Variants in TTLL11 observed in about 807,000 individuals in gnomAD.
TTLL11 encodes tubulin polyglutamylase TTLL11.
In TTLL11, 42 loss-of-function variants were observed where a neutral mutation model predicts 51.7. The ratio of observed to expected loss-of-function variants is 0.81; its 90% CI spans 0.64 to 1.05. TTLL11 has a LOEUF of 1.05. Ranked by LOEUF, TTLL11 falls within the 50% of genes least tolerant of loss-of-function variation. The pLI, the probability that TTLL11 is intolerant of heterozygous loss-of-function variation, is 0.00. For missense variants in TTLL11, 799 were observed against 940.4 expected, an observed-to-expected ratio of 0.85 and a Z score of 1.97; for synonymous variants, 381 against 383.5, an observed-to-expected ratio of 0.99 and a Z score of 0.08.
At chr9:121,998,025 G>A (rs1843332815) in intron 3 of TTLL11, among the ~76,000 whole-genome samples, 1 of 152,204 alleles carries the variant, frequency 6.6e-6, no homozygotes, top group South Asian at 2.1e-4. Context: ...AGCTGAGCCT[G>A]CCTGGAACAT....
Position 122,075,291 on chromosome 9 carries a change from T to C in TTLL11, c.462+17396A>G, listed in dbSNP as rs1845834256. On this transcript the variant is annotated intron_variant, in intron 1 of 8. Coordinates refer to ENST00000321582, the MANE Select transcript of TTLL11 (RefSeq NM_001139442.2). Reference sequence around the variant, plus strand: ...TAGGGATCACAGGGATGGTGTCTGATAGTGATCACCCGTGCCTTGCACAGG... The same window carrying C: ...TAGGGATCACAGGGATGGTGTCTGACAGTGATCACCCGTGCCTTGCACAGG... 3.3e-5 allele frequency among the ~76,000 whole-genome samples: 5 copies of C among 152,348 alleles called. No homozygotes were observed. The South Asian group carries it at 1.0e-3, about 32-fold the overall frequency.
At chr9:122,019,964 C>T (rs1332154184) in intron 3 of TTLL11, among the ~76,000 whole-genome samples, 1 of 152,194 alleles carries the variant, frequency 6.6e-6, no homozygotes, top group Non-Finnish European at 1.5e-5. Flanking sequence ...TAAGATGTGC[C>T]TTTCGCCTTC....
At chr9:122,045,418 T>C (rs1442225745) in intron 1 of TTLL11, among the ~76,000 whole-genome samples, 2 of 152,030 alleles carry the variant, frequency 1.3e-5, no homozygotes, top group African/African-American at 2.4e-5. Flanking sequence ...CCGGGCGTCG[T>C]GGCGCGCCTG....
At chr9:121,973,140 A>G (rs1842616468) in intron 6 of TTLL11, among the ~76,000 whole-genome samples, 1 of 152,218 alleles carries the variant, frequency 6.6e-6, no homozygotes, top group Non-Finnish European at 1.5e-5. Context: ...CAAGTGAAAT[A>G]TTCATTTCTG....
rs148261535 is a variant in TTLL11 at position 122,016,332 on chromosome 9, G to A, written c.693+15391C>T. On this transcript the variant is annotated intron_variant, in intron 3 of 8. Coordinates refer to ENST00000321582, the MANE Select transcript of TTLL11 (RefSeq NM_001139442.2). ...AGAAATGGGGACAAGCGTAGCTGCC[G>A]AGGTTGGCAAGGGCTCTATAAGGCG... 3.2e-4 allele frequency among the ~76,000 whole-genome samples: 48 copies of A among 152,298 alleles called. No homozygotes were observed. The East Asian group carries it at 8.5e-3, about 27-fold the overall frequency.
intron 4 of TTLL11, among the ~76,000 whole-genome samples, chr9:121,985,763 G>T (rs551700160): frequency 6.6e-6 from 1 of 151,880 alleles, no homozygotes; most frequent in Non-Finnish European, 1.5e-5. Context: ...CTCGTGATCC[G>T]CCTGCCTCGG....
intron 1 of TTLL11, among the ~76,000 whole-genome samples, chr9:122,059,981 A>G (rs904410034): frequency 2.6e-5 from 4 of 152,194 alleles, no homozygotes; most frequent in African/African-American, 9.6e-5. Flanking sequence ...GTAATTGATA[A>G]CATGGGTATC....
At chr9:121,826,731 G>A (rs994159872) in intron 8 of TTLL11, among the ~76,000 whole-genome samples, 2 of 151,738 alleles carry the variant, frequency 1.3e-5, no homozygotes, top group Non-Finnish European at 2.9e-5. Flanking sequence ...GAACCTGCAG[G>A]AAACACTGAA....
chr9:121,933,429 A>T (rs965991402), intron 6 of TTLL11, among the ~76,000 whole-genome samples: 1 of 152,112 alleles, frequency 6.6e-6, no homozygotes, highest in Non-Finnish European at 1.5e-5. Flanking sequence ...TAATGGAAAG[A>T]CGGTAGTTTG....
At chr9:121,998,486 A>G (rs1029695295) in intron 3 of TTLL11, among the ~76,000 whole-genome samples, 2 of 151,956 alleles carry the variant, frequency 1.3e-5, no homozygotes, top group Admixed American at 1.3e-4. Flanking sequence ...GAGTTTCACT[A>G]CGTTGGTCAG....
intron 6 of TTLL11, among the ~76,000 whole-genome samples, chr9:121,916,917 G>A (rs1840345359): frequency 6.6e-6 from 1 of 152,154 alleles, no homozygotes; most frequent in Admixed American, 6.5e-5. Context: ...AGCTGTTGCA[G>A]ACACAATTAA....
At position 121,818,076 on chromosome 9, in the gene TTLL11, A is replaced by G. The variant is rs1330885645; in HGVS notation, c.*4511T>C. On this transcript the variant is annotated 3_prime_UTR_variant, in exon 9 of 9. Transcript: ENST00000321582. ...CCGGAGGACCTGCTGGGAACTCAAC[A>G]ACCCCACACAAACTCAGGGCAATGC... The G allele has an allele frequency of 6.6e-6, 1 of 152,256 alleles. No individual in the cohort carries two copies. Among genetic ancestry groups the G allele is most frequent in the Non-Finnish European group, 1.5e-5 (1 of 68,106 alleles). The allele number at this position is 152,256 out of a possible 1,614,324, so 9.4% of individuals were successfully genotyped here.
intron 3 of TTLL11, among the ~76,000 whole-genome samples, chr9:121,994,622 T>C (rs1056611001): frequency 6.6e-6 from 1 of 152,010 alleles, no homozygotes. Context: ...GAGAGATGTA[T>C]GAGAAGGGGA....
rs577838352 is a variant in TTLL11 at position 122,007,193 on chromosome 9, C to CT, written c.694-17424_694-17423insA. 3.2e-3 allele frequency among the ~76,000 whole-genome samples: 483 copies of CT among 152,032 alleles called. 3 individuals are homozygous for CT. The highest frequency in any genetic ancestry group is 0.011 in the African/African-American group (466 of 41,470). ...TGTAGCAATAAGCACACCTGGCACT[C>CT]ATGAAAAGAAACCAGGCTTTCTTGG... On this transcript the variant is annotated intron_variant, in intron 3 of 8. Transcript: ENST00000321582.
intron 3 of TTLL11, among the ~76,000 whole-genome samples, chr9:122,002,921 G>A (rs1352982530): frequency 2.3e-5 from 3 of 130,072 alleles, no homozygotes; most frequent in Non-Finnish European, 4.6e-5. Context: ...ACTCCAGCCT[G>A]GCAACAGAGT....
At chr9:121,997,367 C>CT (rs1489708313) in intron 3 of TTLL11, among the ~76,000 whole-genome samples, 4 of 152,144 alleles carry the variant, frequency 2.6e-5, no homozygotes, top group African/African-American at 9.7e-5. Context: ...CTCCCCACTC[C>CT]TTCCCCACAG....
At position 122,092,712 on chromosome 9, in the gene TTLL11, C is replaced by A; in HGVS notation, c.437G>T (p.Ser146Ile). The change falls in exon 1 of 9, where the codon AGC becomes ATC. Residue 146 changes from serine (S) to isoleucine (I), a missense_variant. Ser to Ile is a moderately radical substitution (Grantham distance 142, BLOSUM62 -2). Coordinates refer to ENST00000321582, the MANE Select transcript of TTLL11 (RefSeq NM_001139442.2). ...ARTSLDALKI[S>I]IRQLKWKEFP... ...CTCCTTCCACTTGAGCTGGCGGATG[C>A]TGATCTTCAGGGCATCCAGGGAGGT... is the stretch of plus-strand genomic sequence containing the variant. The A allele has an allele frequency of 6.5e-7, 1 of 1,537,780 alleles. No homozygotes were observed.
At chr9:122,047,033 TCA>T (rs762990845) in intron 1 of TTLL11, among the ~76,000 whole-genome samples, 11 of 152,080 alleles carry the variant, frequency 7.2e-5, no homozygotes, top group Non-Finnish European at 1.5e-4. Context: ...CTCAAAGGTA[TCA>T]CTATAAACCA....
intron 6 of TTLL11, among the ~76,000 whole-genome samples, chr9:121,917,686 A>G (rs1291726992): frequency 6.6e-6 from 1 of 151,892 alleles, no homozygotes; most frequent in Non-Finnish European, 1.5e-5. Context: ...AAGTGAAGAA[A>G]GGAAGGAAGG....
Sources: gnomAD v4.1 joint callset for allele counts (sites outside exome capture counted in the v4.1 genomes callset) on GRCh38, gnomAD v4.1.1 for gene constraint, MANE v1.5 for transcripts, NCBI Gene and HGNC (gene_info 2026-07-23, HGNC 2026-07-21) for gene names.